The following MAPK10 variants were observed in gnomAD, a reference collection of about 807,000 sequenced individuals.
MAPK10 encodes JNK3 alpha protein kinase.
Under a neutral mutation model 59.3 loss-of-function variants are expected in MAPK10, and 25 were observed. The observed-to-expected ratio is 0.42, with a 90% CI of 0.31 to 0.59. The LOEUF (loss-of-function observed/expected upper bound fraction) is 0.59, where lower values mean the gene tolerates loss of function less well. Ranked by LOEUF, MAPK10 falls within the 20% of genes least tolerant of loss-of-function variation. The probability of loss-of-function intolerance (pLI) is 0.15; values close to 1 mark genes in which losing one functional copy is unlikely to be tolerated. For missense variants in MAPK10, 351 were observed against 568.9 expected, an observed-to-expected ratio of 0.62 and a Z score of 3.90; for synonymous variants, 190 against 200.5, an observed-to-expected ratio of 0.95 and a Z score of 0.44.
chr4:86,235,218 AC>A lies in MAPK10; in HGVS notation c.-6-40812del, dbSNP rs546411932. On this transcript the variant is annotated intron_variant, in intron 2 of 13. Transcript: ENST00000641462. ...AGGAATGGAGGCCCCAAAAGAGAGA[AC>A]TTTTATGAGTCCCACACATTCCTAT... 4.9e-4 allele frequency among the ~76,000 whole-genome samples: 74 copies of A among 152,312 alleles called. 1 individual carries two copies. The South Asian group carries it at 0.015, about 30-fold the overall frequency.
intron 2 of MAPK10, chr4:86,308,797 A>G (rs1204404621): frequency 6.6e-6 from 1 of 152,184 alleles, no homozygotes; most frequent in Non-Finnish European, 1.5e-5. Context: ...ATAAATGACC[A>G]TCTACCTTTT....
intron 3 of MAPK10, among the ~76,000 whole-genome samples, chr4:86,168,033 C>T (rs2072460746): frequency 6.6e-6 from 1 of 152,216 alleles, no homozygotes; most frequent in Admixed American, 6.5e-5. Flanking sequence ...AGCAAAGTCT[C>T]ATGATAAAAG....
chr4:86,514,436 A>G (rs946021703), intron 1 of MAPK10, among the ~76,000 whole-genome samples: 1 of 152,086 alleles, frequency 6.6e-6, no homozygotes, highest in Non-Finnish European at 1.5e-5. Context: ...CTGAATATAT[A>G]CATAGTTTAC....
intron 11 of MAPK10, chr4:86,044,675 T>C (rs1348234569): frequency 2.5e-6 from 1 of 397,166 alleles, no homozygotes; most frequent in Non-Finnish European, 4.4e-6. Context: ...GACACAAGAT[T>C]TGTGTCTCAT....
intron 1 of MAPK10, among the ~76,000 whole-genome samples, chr4:86,575,932 C>A (rs1761851410): frequency 6.6e-6 from 1 of 151,698 alleles, no homozygotes; most frequent in South Asian, 2.1e-4. Context: ...GTATCACTGT[C>A]ACCTTCAAAG....
chr4:86,135,092 A>G (rs28360921), intron 4 of MAPK10, among the ~76,000 whole-genome samples: 27,213 of 152,176 alleles, frequency 0.18, 2,550 homozygotes, highest in African/African-American at 0.21. Flanking sequence ...ACTGCAAGGC[A>G]GCAGCGAGGC....
rs7678691 is a variant in MAPK10 at position 86,319,214 on chromosome 4, A to G, written c.-7+35316T>C. Among the ~76,000 whole-genome samples, 1,513 of 152,244 alleles carry G rather than the reference A, an allele frequency of 9.9e-3. 18 individuals are homozygous for G. Among genetic ancestry groups the G allele is most frequent in the African/African-American group, 0.034 (1,429 of 41,544 alleles). ...TGGGAGGTGAGAACTAGGGAACACA[A>G]GAGAATATGGGAAGTAGGCAGGCAA... On this transcript the variant is annotated intron_variant, in intron 2 of 13. Coordinates refer to ENST00000641462, the MANE Select transcript of MAPK10 (RefSeq NM_138982.4).
intron 1 of MAPK10, among the ~76,000 whole-genome samples, chr4:86,392,655 C>T (rs1288996567): frequency 6.6e-6 from 1 of 151,968 alleles, no homozygotes; most frequent in Admixed American, 6.6e-5. Flanking sequence ...TTATAGTGTT[C>T]CATTCTATCC....
At chr4:86,364,573 T>C (rs1359017130), upstream of MAPK10, among the ~76,000 whole-genome samples, 3 of 152,240 alleles carry the variant, frequency 2.0e-5, no homozygotes, top group Non-Finnish European at 2.9e-5. Flanking sequence ...TAAAAAATCT[T>C]TTAAGTCTAT....
intron 4 of MAPK10, among the ~76,000 whole-genome samples, chr4:86,130,565 C>T (rs1464137167): frequency 2.0e-5 from 3 of 152,080 alleles, no homozygotes; most frequent in East Asian, 1.9e-4. Flanking sequence ...GTGGTCTAAT[C>T]GCAAGAGCAA....
At chr4:86,118,284 T>C (rs1190866119) in intron 4 of MAPK10, among the ~76,000 whole-genome samples, 1 of 152,214 alleles carries the variant, frequency 6.6e-6, no homozygotes, top group Non-Finnish European at 1.5e-5. Flanking sequence ...TCCAAGAATC[T>C]TGGCCTGTGG....
At chr4:86,020,987 G>A (rs141010997) in intron 13 of MAPK10, 1 of 152,148 alleles carries the variant, frequency 6.6e-6, no homozygotes, top group African/African-American at 2.4e-5. Context: ...CTGCTGATTG[G>A]TAGAGCCGAG....
intron 3 of MAPK10, among the ~76,000 whole-genome samples, chr4:86,174,393 C>T (rs1400511495): frequency 6.6e-6 from 1 of 152,150 alleles, no homozygotes; most frequent in African/African-American, 2.4e-5. Context: ...TGCATGTTCT[C>T]ACTCATAAGT....
chr4:86,340,871 C>T (rs1294447855), intron 2 of MAPK10, among the ~76,000 whole-genome samples: 5 of 152,140 alleles, frequency 3.3e-5, no homozygotes, highest in Non-Finnish European at 7.4e-5. Flanking sequence ...TCTGTTTTGC[C>T]TTACTACTCA....
At chr4:86,072,378 G>C (rs555511616) in intron 9 of MAPK10, among the ~76,000 whole-genome samples, 63 of 151,186 alleles carry the variant, frequency 4.2e-4, no homozygotes, top group African/African-American at 1.2e-3. Flanking sequence ...ATTGAATACC[G>C]TTTATTTCCT....
chr4:86,549,359 A>G (rs1434514980), intron 1 of MAPK10, among the ~76,000 whole-genome samples: 1 of 152,216 alleles, frequency 6.6e-6, no homozygotes, highest in Admixed American at 6.5e-5. Flanking sequence ...GCTGTATGGT[A>G]TAGTCCATTG....
intron 1 of MAPK10, among the ~76,000 whole-genome samples, chr4:86,522,788 C>G (rs1384828983): frequency 2.0e-5 from 3 of 152,166 alleles, no homozygotes; most frequent in Admixed American, 2.0e-4. Flanking sequence ...GATTCATGCA[C>G]CTGTTCATAC....
intron 1 of MAPK10, among the ~76,000 whole-genome samples, chr4:86,560,458 T>A (rs895445047): frequency 7.2e-5 from 11 of 152,244 alleles, no homozygotes; most frequent in Non-Finnish European, 1.6e-4. Context: ...TATAATGGAA[T>A]TCTTGTTTAA....
intron 1 of MAPK10, among the ~76,000 whole-genome samples, chr4:86,525,336 C>G (rs1342101615): frequency 6.6e-6 from 1 of 152,034 alleles, no homozygotes; most frequent in Non-Finnish European, 1.5e-5. Context: ...GAAACACAAG[C>G]AAATACAGAG....
Sources: gnomAD v4.1 joint callset for allele counts (sites outside exome capture counted in the v4.1 genomes callset) on GRCh38, gnomAD v4.1.1 for gene constraint, MANE v1.5 for transcripts, NCBI Gene and HGNC (gene_info 2026-07-23, HGNC 2026-07-21) for gene names.